FAS: variants seen among roughly 807,000 people sequenced by gnomAD.
FAS encodes Fas cell surface death receptor.
A neutral mutation model predicts 33.2 loss-of-function variants in FAS; 5 were observed. The ratio of observed to expected loss-of-function variants is 0.15; its 90% CI spans 0.08 to 0.32. FAS has a LOEUF of 0.32. Ranked by LOEUF, FAS falls within the 10% of genes least tolerant of loss-of-function variation. The pLI is 1.00. For synonymous variants in FAS, 131 were observed against 130.7 expected, an observed-to-expected ratio of 1.00 and a Z score of -0.01; for missense variants, 339 against 386.0, an observed-to-expected ratio of 0.88 and a Z score of 1.02.
At chr10:89,008,491 C>G (rs966055605) in intron 3 of FAS, among the ~76,000 whole-genome samples, 1 of 152,180 alleles carries the variant, frequency 6.6e-6, no homozygotes, top group African/African-American at 2.4e-5. Context: ...CATCTCAGGG[C>G]AATTACATCA....
chr10:88,978,656 C>T (rs1253558281), intron 2 of FAS, among the ~76,000 whole-genome samples: 1 of 152,078 alleles, frequency 6.6e-6, no homozygotes, highest in Non-Finnish European at 1.5e-5. Context: ...ATGAGCCAGG[C>T]TCAGTTCATT....
chr10:88,985,690 C>A (rs1428623472), upstream of FAS, among the ~76,000 whole-genome samples: 1 of 152,206 alleles, frequency 6.6e-6, no homozygotes, highest in Non-Finnish European at 1.5e-5. Flanking sequence ...GCTTGGGAGA[C>A]AATGACTGCC....
chr10:88,989,088 T>C (rs778749943), upstream of FAS, among the ~76,000 whole-genome samples: 27 of 152,214 alleles, frequency 1.8e-4, no homozygotes, highest in Non-Finnish European at 3.4e-4. Context: ...TCTTTGCCAA[T>C]GTTGCTTAAG....
upstream of FAS, among the ~76,000 whole-genome samples, chr10:88,986,299 A>G (rs183824933): frequency 4.6e-4 from 70 of 152,258 alleles, 1 homozygote; most frequent in Admixed American, 3.9e-3. Flanking sequence ...TTTTCATAGA[A>G]TATCTGTGTT....
At chr10:88,967,759 C>T (rs1846345295) in intron 1 of FAS, among the ~76,000 whole-genome samples, 1 of 152,182 alleles carries the variant, frequency 6.6e-6, no homozygotes, top group South Asian at 2.1e-4. Context: ...CTGTGAATTA[C>T]ATCAGCAGGT....
chr10:88,990,405 AG>A, upstream of FAS: 2 of 446,070 alleles, frequency 4.5e-6, no homozygotes, highest in Non-Finnish European at 8.6e-6. This position sits in a 1 kb window ranked among gnomAD's most constrained non-coding sequence, Gnocchi z 4.9. Flanking sequence ...TAGAAAGGGC[AG>A]GAGGCCGGCT....
chr10:88,965,511 T>A (rs1176817602), intron 1 of FAS, among the ~76,000 whole-genome samples: 1 of 152,210 alleles, frequency 6.6e-6, no homozygotes, highest in Non-Finnish European at 1.5e-5. Flanking sequence ...CTTGCCCTAT[T>A]TTCCTTAAGC....
At chr10:88,971,357 GTA>G (rs1846442537) in intron 1 of FAS, among the ~76,000 whole-genome samples, 1 of 152,218 alleles carries the variant, frequency 6.6e-6, no homozygotes, top group Non-Finnish European at 1.5e-5. Flanking sequence ...ACTTCATGCA[GTA>G]TGTTTTGTGT....
chr10:88,970,648 T>C lies in FAS; in HGVS notation n.95-2534T>C, dbSNP rs144030131. Among the ~76,000 whole-genome samples, 370 of 152,244 alleles carry C rather than the reference T, an allele frequency of 2.4e-3. 2 individuals carry two copies. Among genetic ancestry groups the C allele is most frequent in the Non-Finnish European group, 3.7e-3 (252 of 68,018 alleles). On this transcript the variant is annotated intron_variant and non_coding_transcript_variant, in intron 1 of 3. Coordinates refer to the FAS transcript ENST00000688239. Reference sequence around the variant, plus strand: ...TATCCTTACAATAGTTTGCTGAGAATGATGGTTGGGAATTGAACAATGAGA... The same window carrying C: ...TATCCTTACAATAGTTTGCTGAGAACGATGGTTGGGAATTGAACAATGAGA...
chr10:88,972,354 G>C (rs1195869861), intron 1 of FAS, among the ~76,000 whole-genome samples: 1 of 152,202 alleles, frequency 6.6e-6, no homozygotes, highest in Admixed American at 6.5e-5. Context: ...ATTTGTAATA[G>C]TAATTGATGT....
At position 89,015,392 on chromosome 10, in the gene FAS, A is replaced by T. The variant is rs1171166745; in HGVS notation, c.*942A>T. 3.8e-6 allele frequency: 2 copies of T among 531,180 alleles called. No individual in the cohort carries two copies. 32.9% of individuals were successfully genotyped at this position (531,180 alleles called of 1,614,324 possible). A position where few individuals can be genotyped will look rare whatever the true frequency, so the allele number is the denominator to read the frequency against. ...GTCATGAACCCATGTTTGCAATCAAAGATGATAAAATAGATTCTTATTTTT... is the reference window on the plus strand; with the variant it reads ...GTCATGAACCCATGTTTGCAATCAATGATGATAAAATAGATTCTTATTTTT... On this transcript the variant is annotated 3_prime_UTR_variant, in exon 9 of 9. Coordinates refer to ENST00000652046, the MANE Select transcript of FAS (RefSeq NM_000043.6).
At chr10:89,007,034 T>C (rs1398258888) in intron 2 of FAS, among the ~76,000 whole-genome samples, 1 of 152,120 alleles carries the variant, frequency 6.6e-6, no homozygotes. Flanking sequence ...GAAAAAGTAA[T>C]AGAAAGGGGA....
intron 8 of FAS, 113 bp downstream of exon 8, chr10:89,013,480 T>G: frequency 1.9e-6 from 2 of 1,043,522 alleles, no homozygotes; most frequent in Admixed American, 3.7e-5. Context: ...ATCTTGTTAT[T>G]TCTCATACAA....
At chr10:88,990,581 C>A, upstream of FAS, 1 of 664,402 alleles carries the variant, frequency 1.5e-6, no homozygotes, top group South Asian at 1.5e-5. The surrounding 1 kb of genome is among the most constrained non-coding windows in gnomAD (Gnocchi z 4.9). Context: ...CTCCCCAACC[C>A]GGGCGTTCCC....
At chr10:88,993,634 T>C (rs1847406362) in intron 1 of FAS, among the ~76,000 whole-genome samples, 1 of 152,232 alleles carries the variant, frequency 6.6e-6, no homozygotes, top group Non-Finnish European at 1.5e-5. Context: ...CAAGCAGTCA[T>C]ACAGAATAGT....
rs2234978 is a variant in FAS, at chr10:89,012,072, T to C, written c.642T>C (p.Thr214=). Residue 214 remains threonine (T), a synonymous_variant, in exon 7 of 9, where the codon ACT becomes ACC. Transcript: ENST00000652046. ...ACCAAGGTTCTCATGAATCTCCAAC[T>C]TTAAATCCTGTAGGTATTGAAATAG... is the stretch of plus-strand genomic sequence containing the variant. ...KENQGSHESP[T]LNPETVAINL... is the part of the protein sequence containing the mutation. 0.73 allele frequency: 1,171,410 copies of C among 1,611,060 alleles called. 428,901 individuals carry two copies. Among genetic ancestry groups the C allele is most frequent in the East Asian group, 0.96 (43,218 of 44,856 alleles).
At chr10:89,013,837 T>C (rs9658772) in intron 8 of FAS, among the ~76,000 whole-genome samples, 137 of 152,336 alleles carry the variant, frequency 9.0e-4, no homozygotes, top group African/African-American at 3.1e-3. Context: ...AGAGATGTTA[T>C]AGGTGATCTT....
upstream of FAS, among the ~76,000 whole-genome samples, chr10:88,987,315 T>G (rs1846930387): frequency 6.6e-6 from 1 of 152,218 alleles, no homozygotes; most frequent in Admixed American, 6.5e-5. Flanking sequence ...TTCTGATAAT[T>G]TATCAGTTAA....
chr10:88,990,998 G>A lies in FAS; in HGVS notation c.30+92G>A. 6.4e-7 allele frequency: 1 copy of A among 1,565,080 alleles called. No individual in the cohort carries two copies. Among genetic ancestry groups the A allele is most frequent in the Non-Finnish European group, 8.8e-7 (1 of 1,140,234 alleles). ...GGGCGCGGGACGCGTGCGGGATTGCGGCGGCAGCGGCGCACGCGGGCACCT... is the reference window on the plus strand; with the variant it reads ...GGGCGCGGGACGCGTGCGGGATTGCAGCGGCAGCGGCGCACGCGGGCACCT... On this transcript the variant is annotated intron_variant, in intron 1 of 8. Coordinates refer to ENST00000652046, the MANE Select transcript of FAS (RefSeq NM_000043.6). The surrounding 1 kb of genome is among the most constrained non-coding windows in gnomAD (Gnocchi z 4.9).
Sources: gnomAD v4.1 joint callset for allele counts (sites outside exome capture counted in the v4.1 genomes callset) on GRCh38, gnomAD v4.1.1 for gene constraint, Gnocchi (gnomAD v3.1) non-coding constraint, MANE v1.5 for transcripts, NCBI Gene and HGNC (gene_info 2026-07-23, HGNC 2026-07-21) for gene names.